Variants in ANKFN1 observed in about 807,000 individuals in gnomAD.
The protein encoded by ANKFN1 is ankyrin repeat and fibronectin type-III domain-containing protein 1.
Under a neutral mutation model 108.7 loss-of-function variants are expected in ANKFN1, and 74 were observed. The ratio of observed to expected loss-of-function variants is 0.68; its 90% CI spans 0.56 to 0.83. The LOEUF (loss-of-function observed/expected upper bound fraction) is 0.83. Among genes scored for constraint, ANKFN1 ranks in the 40% least tolerant of loss-of-function variants. The pLI is 0.00. For missense variants in ANKFN1, 1,505 were observed against 1,382.3 expected (o/e 1.09, Z -1.41); for synonymous variants, 547 against 516.2 (o/e 1.06, Z -0.81).
intron 1 of ANKFN1, among the ~76,000 whole-genome samples, chr17:56,168,615 C>G (rs1380864602): frequency 1.3e-5 from 2 of 152,164 alleles, no homozygotes; most frequent in Non-Finnish European, 2.9e-5. Context: ...ATTGTCATAT[C>G]TAGAATATCG....
chr17:56,054,715 C>A (rs1904836196), intron 4 of ANKFN1, among the ~76,000 whole-genome samples: 1 of 151,838 alleles, frequency 6.6e-6, no homozygotes, highest in Admixed American at 6.6e-5. Flanking sequence ...GGTTCAAGAC[C>A]AGCCTGGGCA....
chr17:56,117,307 C>G lies in ANKFN1; in HGVS notation c.288+70982C>G, dbSNP rs759966166. Reference sequence around the variant, plus strand: ...TGAAGTATTGACTTTTGCTCAGTAACATCACAAAGGACACCTGATTTTAGT... The same window carrying G: ...TGAAGTATTGACTTTTGCTCAGTAAGATCACAAAGGACACCTGATTTTAGT... On this transcript the variant is annotated intron_variant, in intron 4 of 12. Coordinates refer to the ANKFN1 transcript ENST00000635860. Among the ~76,000 whole-genome samples the G allele has an allele frequency of 2.9e-4, 44 of 152,260 alleles. 1 individual carries two copies. The South Asian group carries it at 5.8e-3, about 20-fold the overall frequency.
chr17:56,287,941 A>G (rs1368751903), intron 3 of ANKFN1, among the ~76,000 whole-genome samples: 1 of 152,190 alleles, frequency 6.6e-6, no homozygotes, highest in Non-Finnish European at 1.5e-5. Flanking sequence ...GGCAGAGCAC[A>G]AGGTTAACAC....
intron 19 of ANKFN1, among the ~76,000 whole-genome samples, chr17:56,493,004 C>T (rs969511020): frequency 6.6e-6 from 1 of 152,116 alleles, no homozygotes; most frequent in African/African-American, 2.4e-5. Context: ...TCTTTCTGTC[C>T]ATCAGTTACT....
At chr17:56,477,882 C>T (rs144891414) in intron 16 of ANKFN1, among the ~76,000 whole-genome samples, 238 of 152,188 alleles carry the variant, frequency 1.6e-3, no homozygotes, top group Non-Finnish European at 2.6e-3. Flanking sequence ...GGCTGGAGTA[C>T]AATGGCGCAA....
At chr17:56,336,595 T>G (rs183281127) in intron 4 of ANKFN1, among the ~76,000 whole-genome samples, 187 of 152,334 alleles carry the variant, frequency 1.2e-3, no homozygotes, top group African/African-American at 3.8e-3. Context: ...TGCATCTATT[T>G]GATTCTTCTC....
At chr17:56,179,382 T>C (rs1319117569) in intron 1 of ANKFN1, among the ~76,000 whole-genome samples, 1 of 152,228 alleles carries the variant, frequency 6.6e-6, no homozygotes, top group Non-Finnish European at 1.5e-5. Context: ...ATTGCTCTTT[T>C]GGTGCTGACC....
intron 9 of ANKFN1, among the ~76,000 whole-genome samples, chr17:56,440,785 C>T (rs1254772011): frequency 6.6e-6 from 1 of 152,042 alleles, no homozygotes; most frequent in Non-Finnish European, 1.5e-5. Context: ...AAAATAACAG[C>T]TTCATCTCAC....
chr17:56,437,213 G>A (rs146870848), intron 8 of ANKFN1, among the ~76,000 whole-genome samples: 17 of 152,274 alleles, frequency 1.1e-4, no homozygotes, highest in South Asian at 8.3e-4. Flanking sequence ...TCTGCAAGAA[G>A]CCTGACACTC....
intron 4 of ANKFN1, among the ~76,000 whole-genome samples, chr17:56,110,564 A>G (rs1905904198): frequency 7.1e-6 from 1 of 139,956 alleles, no homozygotes; most frequent in South Asian, 2.4e-4. Context: ...GGAATATAAT[A>G]GGCTCTCAAT....
At chr17:56,250,012 G>T (rs117372375) in intron 3 of ANKFN1, among the ~76,000 whole-genome samples, 3,435 of 152,184 alleles carry the variant, frequency 0.023, 64 homozygotes, top group South Asian at 0.057. Flanking sequence ...TGAAACAAAG[G>T]TAAAGACGTT....
chr17:56,244,322 G>T (rs1204363879), intron 3 of ANKFN1, among the ~76,000 whole-genome samples: 6 of 152,054 alleles, frequency 3.9e-5, no homozygotes, highest in African/African-American at 1.4e-4. Context: ...TGAAGATAGG[G>T]CAGAATAGCT....
At chr17:56,374,999 G>A (rs1169749604) in intron 8 of ANKFN1, among the ~76,000 whole-genome samples, 1 of 152,136 alleles carries the variant, frequency 6.6e-6, no homozygotes, top group African/African-American at 2.4e-5. Flanking sequence ...ATAGCACAGG[G>A]CTGGGGACAG....
chr17:56,075,601 T>C (rs1463232487), intron 4 of ANKFN1, among the ~76,000 whole-genome samples: 1 of 152,058 alleles, frequency 6.6e-6, no homozygotes, highest in Non-Finnish European at 1.5e-5. Flanking sequence ...AAAGAATCAA[T>C]GTTCATTACA....
chr17:56,298,079 C>G (rs1042593275), intron 3 of ANKFN1, among the ~76,000 whole-genome samples: 1 of 152,138 alleles, frequency 6.6e-6, no homozygotes, highest in African/African-American at 2.4e-5. Context: ...AATGCCAATT[C>G]TCAGGCCCTA....
chr17:56,356,971 T>G (rs1031365257), intron 6 of ANKFN1, among the ~76,000 whole-genome samples: 4 of 152,192 alleles, frequency 2.6e-5, no homozygotes, highest in Admixed American at 1.3e-4. Flanking sequence ...AAGCCCCCTG[T>G]GCATAATTAA....
intron 8 of ANKFN1, among the ~76,000 whole-genome samples, chr17:56,436,837 C>CAAA (rs965424286): frequency 1.3e-5 from 1 of 79,158 alleles, no homozygotes; most frequent in African/African-American, 4.5e-5. Flanking sequence ...AACTCCATCT[C>CAAA]AAAAAAAAAA....
chr17:56,229,661 C>CAAAAAA (rs58714064), intron 3 of ANKFN1, among the ~76,000 whole-genome samples: 5 of 40,186 alleles, frequency 1.2e-4, no homozygotes, highest in East Asian at 7.7e-4. Flanking sequence ...TTTCAGATTG[C>CAAAAAA]AAAAAAAAAA....
chr17:56,506,082 C>CT (rs1266579849), intron 20 of ANKFN1, among the ~76,000 whole-genome samples: 4 of 152,090 alleles, frequency 2.6e-5, no homozygotes, highest in African/African-American at 9.6e-5. Context: ...TTTTATTATA[C>CT]TTTAAGTTCT....
Sources: allele counts gnomAD v4.1 joint callset (sites outside exome capture counted in the v4.1 genomes callset), GRCh38; gene constraint gnomAD v4.1.1; transcripts MANE v1.5; gene names NCBI Gene and HGNC (gene_info 2026-07-23, HGNC 2026-07-21).